Variants in CHST9 observed in about 807,000 individuals in gnomAD.
The protein encoded by CHST9 is carbohydrate sulfotransferase 9, also known as GalNAc-4-sulfotransferase 2.
A neutral mutation model predicts 44.4 loss-of-function variants in CHST9; 41 were observed. The ratio of observed to expected loss-of-function variants is 0.92; its 90% CI spans 0.72 to 1.20. CHST9 has a LOEUF of 1.20. CHST9 is among the 50% of genes most tolerant of loss of function. CHST9 has a pLI of 0.00. For missense variants in CHST9, 504 were observed against 516.5 expected (o/e 0.98, Z 0.23); for synonymous variants, 171 against 178.4 (o/e 0.96, Z 0.33).
chr18:27,010,949 GCAGTGGC>G (rs1314038719), intron 4 of CHST9, among the ~76,000 whole-genome samples: 1 of 152,148 alleles, frequency 6.6e-6, no homozygotes. Flanking sequence ...CCTCTGGTAG[GCAGTGGC>G]TGAGGAGTGA....
intron 5 of CHST9, 40 bp downstream of exon 5, chr18:26,944,289 C>G: frequency 6.6e-7 from 1 of 1,520,554 alleles, no homozygotes; most frequent in Non-Finnish European, 9.1e-7. Flanking sequence ...AACATTGAAA[C>G]AAAATTCTAT....
chr18:27,070,238 C>A (rs1320558086), intron 2 of CHST9, among the ~76,000 whole-genome samples: 1 of 152,152 alleles, frequency 6.6e-6, no homozygotes, highest in African/African-American at 2.4e-5. Context: ...ATATAATGCA[C>A]TGGGCTTGGG....
At chr18:27,125,943 G>A (rs1489913994) in intron 2 of CHST9, among the ~76,000 whole-genome samples, 2 of 152,174 alleles carry the variant, frequency 1.3e-5, no homozygotes, top group Non-Finnish European at 2.9e-5. Flanking sequence ...GAAATAAGGA[G>A]TCTGGGTAAC....
intron 5 of CHST9, among the ~76,000 whole-genome samples, chr18:26,923,092 T>A (rs2145064407): frequency 6.6e-6 from 1 of 152,284 alleles, no homozygotes; most frequent in East Asian, 1.9e-4. Flanking sequence ...CCAGAGATGG[T>A]GGGGTTTATA....
chr18:26,909,672 G>C lies in CHST9; in HGVS notation c.*6587C>G, dbSNP rs568827499. On this transcript the variant is annotated 3_prime_UTR_variant, in exon 6 of 6. Transcript: ENST00000618847. ...ATGAATGCATAAAATGAGATACTGT[G>C]TGTTTTACTAGTTTTCCTGGTATTT... 34 of 152,248 alleles carry C rather than the reference G, an allele frequency of 2.2e-4. No individual in the cohort carries two copies. Among genetic ancestry groups the C allele is most frequent in the African/African-American group, 8.2e-4 (34 of 41,562 alleles). 9.4% of individuals were successfully genotyped at this position (152,248 alleles called of 1,614,324 possible). A position where few individuals can be genotyped will look rare whatever the true frequency, so the allele number is the denominator to read the frequency against.
chr18:26,969,808 G>A (rs2056518559), intron 4 of CHST9, among the ~76,000 whole-genome samples: 1 of 152,160 alleles, frequency 6.6e-6, no homozygotes, highest in Non-Finnish European at 1.5e-5. Context: ...CTTAAGTTAA[G>A]CTTCAGTTTA....
intron 5 of CHST9, chr18:26,934,388 C>G (rs1440833626): frequency 6.6e-6 from 1 of 152,054 alleles, no homozygotes; most frequent in African/African-American, 2.4e-5. Context: ...GCGCCCGCAA[C>G]CACGCCCGGC....
intron 2 of CHST9, among the ~76,000 whole-genome samples, chr18:27,079,708 G>A (rs751193276): frequency 1.9e-4 from 29 of 152,138 alleles, no homozygotes; most frequent in Non-Finnish European, 3.5e-4. Flanking sequence ...TCTACAGCCC[G>A]GAGATCGGGA....
intron 5 of CHST9, among the ~76,000 whole-genome samples, chr18:26,929,891 T>C (rs1409239958): frequency 1.3e-5 from 2 of 152,154 alleles, no homozygotes; most frequent in Non-Finnish European, 2.9e-5. Flanking sequence ...GGAAGCAGCA[T>C]ATACCTGCCC....
intron 4 of CHST9, among the ~76,000 whole-genome samples, chr18:27,023,339 T>G (rs1199112460): frequency 2.6e-5 from 4 of 152,208 alleles, no homozygotes; most frequent in Non-Finnish European, 2.9e-5. Flanking sequence ...TCCATCCACA[T>G]GTTACACAAT....
chr18:27,127,043 A>G (rs2058430371), intron 2 of CHST9, among the ~76,000 whole-genome samples: 1 of 152,184 alleles, frequency 6.6e-6, no homozygotes, highest in South Asian at 2.1e-4. Context: ...GAATCGGAGT[A>G]TTCTGGAGGA....
At chr18:27,114,739 G>A (rs1214266034) in intron 2 of CHST9, among the ~76,000 whole-genome samples, 1 of 152,126 alleles carries the variant, frequency 6.6e-6, no homozygotes, top group Non-Finnish European at 1.5e-5. Flanking sequence ...CACTAAGCAT[G>A]ATGTTCTTAA....
At chr18:27,111,411 G>C (rs1224185867) in intron 2 of CHST9, among the ~76,000 whole-genome samples, 2 of 152,240 alleles carry the variant, frequency 1.3e-5, no homozygotes, top group Admixed American at 1.3e-4. Context: ...TTCTGTGGTA[G>C]AAATGAGAGT....
intron 2 of CHST9, among the ~76,000 whole-genome samples, chr18:27,137,783 C>T (rs1329297099): frequency 2.6e-5 from 4 of 152,042 alleles, no homozygotes; most frequent in African/African-American, 4.8e-5. Flanking sequence ...ACGGCACATA[C>T]GAAACAGTTA....
intron 2 of CHST9, among the ~76,000 whole-genome samples, chr18:27,067,556 T>G (rs1006470165): frequency 2.6e-5 from 4 of 151,778 alleles, no homozygotes; most frequent in African/African-American, 9.7e-5. Context: ...GTACCCAAGG[T>G]GTTTCTTTTT....
At chr18:26,925,641 C>T (rs903397745) in intron 5 of CHST9, among the ~76,000 whole-genome samples, 8 of 152,132 alleles carry the variant, frequency 5.3e-5, no homozygotes, top group Non-Finnish European at 1.2e-4. Flanking sequence ...CTTCTTCTAT[C>T]GTTTTCTCTC....
chr18:26,995,437 CAAAA>C (rs11284514), intron 4 of CHST9, among the ~76,000 whole-genome samples: 2 of 102,680 alleles, frequency 1.9e-5, no homozygotes, highest in Admixed American at 9.5e-5. Flanking sequence ...GACTCCGTCT[CAAAA>C]AAAAAAAAAA....
chr18:27,032,734 GATATTATCTCACTTA>G (rs1415364574), intron 3 of CHST9, among the ~76,000 whole-genome samples: 2 of 152,212 alleles, frequency 1.3e-5, no homozygotes, highest in Admixed American at 1.3e-4. Context: ...GGGCTTGGCA[GATATTATCTCACTTA>G]ATCCTTATTA....
intron 5 of CHST9, among the ~76,000 whole-genome samples, chr18:26,920,589 T>C (rs1309022673): frequency 1.3e-5 from 2 of 152,162 alleles, no homozygotes; most frequent in African/African-American, 2.4e-5. Flanking sequence ...GCACACTGCC[T>C]GGCGCATAGA....
Sources: gnomAD v4.1 joint callset for allele counts (sites outside exome capture counted in the v4.1 genomes callset) on GRCh38, gnomAD v4.1.1 for gene constraint, MANE v1.5 for transcripts, NCBI Gene and HGNC (gene_info 2026-07-23, HGNC 2026-07-21) for gene names.